SKIL: variants seen among roughly 807,000 people sequenced by gnomAD.
The protein encoded by SKIL is ski-like protein.
In SKIL, 20 loss-of-function variants were observed where a neutral mutation model predicts 69.6. The ratio of observed to expected loss-of-function variants is 0.29; its 90% confidence interval spans 0.20 to 0.42. The LOEUF is 0.42. Ranked by LOEUF, SKIL falls within the 10% of genes least tolerant of loss-of-function variation. SKIL has a pLI of 1.00. For synonymous variants in SKIL, 310 were observed against 279.9 expected, an observed-to-expected ratio of 1.11 and a Z score of -1.08; for missense variants, 745 against 783.1, an observed-to-expected ratio of 0.95 and a Z score of 0.58.
chr3:170,372,557 T>G (rs575075237), intron 2 of SKIL, among the ~76,000 whole-genome samples: 9 of 152,254 alleles, frequency 5.9e-5, no homozygotes, highest in Non-Finnish European at 8.8e-5. Context: ...GTTTCATTTA[T>G]TGAAACACTA....
At chr3:170,374,140 G>T (rs1174868428) in intron 2 of SKIL, among the ~76,000 whole-genome samples, 7 of 152,284 alleles carry the variant, frequency 4.6e-5, no homozygotes, top group South Asian at 2.1e-4. Context: ...ATAGGAAGGT[G>T]CAGAAATTTA....
At chr3:170,364,172 C>G (rs541286003) in intron 2 of SKIL, among the ~76,000 whole-genome samples, 46 of 152,022 alleles carry the variant, frequency 3.0e-4, no homozygotes, top group African/African-American at 1.1e-3. Flanking sequence ...AGGCTGGCCT[C>G]GAACTCCTGA....
chr3:170,359,387 G>T (rs1459726710), intron 1 of SKIL, among the ~76,000 whole-genome samples: 1 of 152,112 alleles, frequency 6.6e-6, no homozygotes, highest in African/African-American at 2.4e-5. Flanking sequence ...CCTGAGGTCA[G>T]GAGTTCAAGA....
intron 2 of SKIL, among the ~76,000 whole-genome samples, chr3:170,378,963 G>A (rs571969612): frequency 1.6e-4 from 25 of 151,852 alleles, no homozygotes; most frequent in Non-Finnish European, 3.4e-4. Context: ...TGCAGCCTCC[G>A]CCTCCTGGGT....
chr3:170,366,002 T>A (rs915881937), intron 2 of SKIL, among the ~76,000 whole-genome samples: 1 of 151,366 alleles, frequency 6.6e-6, no homozygotes, highest in Non-Finnish European at 1.5e-5. Context: ...ATGATCCACC[T>A]GCCTCGGCCT....
rs745566202 is a variant in SKIL, at chr3:170,391,074, A to G, written c.1710A>G (p.Glu570=). 7 of 1,601,680 alleles carry G rather than the reference A, an allele frequency of 4.4e-6. No homozygotes were observed. In the South Asian group the frequency reaches 4.4e-5, roughly 10 times the overall value. The change falls in exon 6 of 7, where the codon GAA becomes GAG. Residue 570 remains glutamate, a synonymous_variant. Coordinates refer to ENST00000259119, the MANE Select transcript of SKIL (RefSeq NM_005414.5). The stretch of plus-strand genomic sequence containing the variant: ...TGAGTAGTTCAAAATCTATGAAGGA[A>G]CTCACTGAAGAACAGCAGAATTTAC... The part of the protein sequence containing the change: ...KMLSSSKSMK[E]LTEEQQNLQK...
chr3:170,364,149 C>T (rs1577410064), intron 2 of SKIL, among the ~76,000 whole-genome samples: 1 of 151,974 alleles, frequency 6.6e-6, no homozygotes, highest in East Asian at 1.9e-4. Flanking sequence ...GAGGGGGTTT[C>T]ACCATGTTGC....
At chr3:170,366,665 G>A (rs1358143320) in intron 2 of SKIL, among the ~76,000 whole-genome samples, 1 of 134,922 alleles carries the variant, frequency 7.4e-6, no homozygotes, top group Non-Finnish European at 1.6e-5. Context: ...GTGAAACTCT[G>A]TCTCAAAACA....
chr3:170,367,221 G>C (rs1736574785), intron 2 of SKIL, among the ~76,000 whole-genome samples: 1 of 151,972 alleles, frequency 6.6e-6, no homozygotes, highest in Non-Finnish European at 1.5e-5. Flanking sequence ...CCATTCTCCT[G>C]CCTCAGCCCC....
At chr3:170,375,129 C>T (rs945423613) in intron 2 of SKIL, among the ~76,000 whole-genome samples, 1 of 152,150 alleles carries the variant, frequency 6.6e-6, no homozygotes, top group Non-Finnish European at 1.5e-5. Context: ...GCAGAGGCTG[C>T]GTAGCCACTT....
At chr3:170,375,617 A>G (rs916706496) in intron 2 of SKIL, among the ~76,000 whole-genome samples, 8 of 152,138 alleles carry the variant, frequency 5.3e-5, no homozygotes, top group African/African-American at 1.9e-4. Context: ...ACTGTTGCCT[A>G]GGCTGCAGTG....
intron 2 of SKIL, among the ~76,000 whole-genome samples, 198 bp downstream of exon 2, chr3:170,361,627 T>A (rs1736239145): frequency 6.6e-6 from 1 of 152,178 alleles, no homozygotes; most frequent in Non-Finnish European, 1.5e-5. Context: ...TTTCCAAACA[T>A]CCTGTGAGAG....
intron 1 of SKIL, among the ~76,000 whole-genome samples, chr3:170,358,875 C>T (rs113685753): frequency 1.1e-4 from 17 of 152,168 alleles, no homozygotes; most frequent in Admixed American, 1.3e-4. Flanking sequence ...AGTAAAATCG[C>T]TAACCTTTTT....
intron 4 of SKIL, among the ~76,000 whole-genome samples, chr3:170,385,545 A>G (rs1009953793): frequency 1.3e-5 from 2 of 152,186 alleles, no homozygotes; most frequent in Non-Finnish European, 2.9e-5. Flanking sequence ...TATAGCATAA[A>G]TGTGGAATAT....
chr3:170,377,591 C>A (rs1737098467), intron 2 of SKIL, among the ~76,000 whole-genome samples: 1 of 143,118 alleles, frequency 7.0e-6, no homozygotes, highest in Non-Finnish European at 1.5e-5. Flanking sequence ...CTCTGTCACC[C>A]AGGCTGGAGT....
At chr3:170,391,937 CTT>C (rs1434518206) in intron 6 of SKIL, among the ~76,000 whole-genome samples, 19 of 152,268 alleles carry the variant, frequency 1.2e-4, no homozygotes, top group Admixed American at 3.9e-4. Flanking sequence ...AAGCAATTCT[CTT>C]TTGTTAATAG....
rs562790428 is a variant in SKIL at position 170,393,143 on chromosome 3, A to G, written c.*726A>G. On this transcript the variant is annotated 3_prime_UTR_variant, in exon 7 of 7. Transcript: ENST00000259119. ...TTTTAAGCAGCAACTTTTCAAAAAT[A>G]AAATGTGATAATTTCTGAACTTTTG... The G allele has an allele frequency of 6.6e-6, 1 of 152,250 alleles. No homozygotes were observed. The highest frequency in any genetic ancestry group is 2.4e-5 in the African/African-American group (1 of 41,562). The allele number at this position is 152,250 out of a possible 1,614,324, so 9.4% of individuals were successfully genotyped here.
intron 1 of SKIL, among the ~76,000 whole-genome samples, chr3:170,358,079 G>C (rs1246612328): frequency 1.3e-5 from 2 of 152,056 alleles, no homozygotes. Flanking sequence ...GCCCGTCACC[G>C]CCCCCCTCCC....
chr3:170,361,438 T>A lies in SKIL; in HGVS notation c.1098+9T>A. ...AGAGAAATCAATCCAAGGCAAGTTTTTTATATCAATTTTTAATAATGGTAA... is the reference window on the plus strand; with the variant it reads ...AGAGAAATCAATCCAAGGCAAGTTTATTATATCAATTTTTAATAATGGTAA... On this transcript the variant is annotated intron_variant, in intron 2 of 6. Coordinates refer to ENST00000259119, the MANE Select transcript of SKIL (RefSeq NM_005414.5). 6.5e-7 allele frequency: 1 copy of A among 1,532,610 alleles called. No individual in the cohort carries two copies. The highest frequency in any genetic ancestry group is 8.8e-7 in the Non-Finnish European group (1 of 1,142,180). 94.9% of individuals were successfully genotyped at this position (1,532,610 alleles called of 1,614,324 possible). A position where few individuals can be genotyped will look rare whatever the true frequency, so the allele number is the denominator to read the frequency against.
Sources: allele counts gnomAD v4.1 joint callset (sites outside exome capture counted in the v4.1 genomes callset), GRCh38; gene constraint gnomAD v4.1.1; transcripts MANE v1.5; gene names NCBI Gene and HGNC (gene_info 2026-07-23, HGNC 2026-07-21).